The following NAV3 variants were observed in gnomAD, a reference collection of about 807,000 sequenced individuals.
NAV3 encodes the protein neuron navigator 3.
A neutral mutation model predicts 244.7 loss-of-function variants in NAV3; 87 were observed. That is an observed-to-expected ratio of 0.36 (90% confidence interval 0.30 to 0.42). NAV3 has a LOEUF of 0.42. NAV3 is among the 20% of genes least tolerant of loss of function. NAV3 has a pLI of 1.00. For synonymous variants in NAV3, 1,126 were observed against 1,042.2 expected (o/e 1.08, Z -1.55); for missense variants, 2,663 against 2,893.3 (o/e 0.92, Z 1.83).
intron 2 of NAV3, among the ~76,000 whole-genome samples, chr12:77,797,150 A>G (rs1871447859): frequency 6.6e-6 from 1 of 152,216 alleles, no homozygotes. Context: ...TGGTAGATAA[A>G]CAGTAAATCT....
intron 1 of NAV3, among the ~76,000 whole-genome samples, chr12:77,937,894 C>T (rs970050891): frequency 1.2e-4 from 19 of 152,146 alleles, no homozygotes; most frequent in African/African-American, 4.3e-4. Context: ...GTGACAGATG[C>T]TTTACAAGTG....
intron 2 of NAV3, among the ~76,000 whole-genome samples, chr12:77,670,824 C>A (rs920901963): frequency 6.6e-6 from 1 of 152,036 alleles, no homozygotes; most frequent in African/African-American, 2.4e-5. Flanking sequence ...AACCCACAGA[C>A]AACATTATAC....
At position 77,870,370 on chromosome 12, in the gene NAV3, A is replaced by G. The variant is rs1275712052; in HGVS notation, c.243+38666A>G. On this transcript the variant is annotated intron_variant, in intron 1 of 39. Coordinates refer to ENST00000397909, the MANE Select transcript of NAV3 (RefSeq NM_001024383.2). ...CAGAGTGAGACTCCATCTCAAAAAA[A>G]AAAAAAAAAAGAAAAGTTTCTAATA... Among the ~76,000 whole-genome samples the G allele has an allele frequency of 3.6e-4, 55 of 151,892 alleles. 1 individual carries two copies. The highest frequency in any genetic ancestry group is 1.6e-4 in the Non-Finnish European group (11 of 67,956).
At chr12:78,182,228 C>T (rs1298250142) in intron 30 of NAV3, among the ~76,000 whole-genome samples, 8 of 152,010 alleles carry the variant, frequency 5.3e-5, no homozygotes. Flanking sequence ...AAAGTATTAT[C>T]CACACTCAAC....
chr12:77,797,032 T>C (rs1871441971), intron 2 of NAV3, among the ~76,000 whole-genome samples: 1 of 152,174 alleles, frequency 6.6e-6, no homozygotes, highest in South Asian at 2.1e-4. Context: ...GAGCAGTGTC[T>C]TGCTTTTGTC....
At chr12:78,192,369 GT>G (rs1271515985) in intron 34 of NAV3, among the ~76,000 whole-genome samples, 3 of 151,244 alleles carry the variant, frequency 2.0e-5, no homozygotes, top group Non-Finnish European at 4.4e-5. Context: ...GGAAGAAACT[GT>G]TTTTATTTTT....
chr12:77,773,601 T>C (rs2135886899), intron 2 of NAV3, among the ~76,000 whole-genome samples: 1 of 152,162 alleles, frequency 6.6e-6, no homozygotes, highest in East Asian at 1.9e-4. Flanking sequence ...GGAAGATACA[T>C]AGTATATTAG....
intron 1 of NAV3, among the ~76,000 whole-genome samples, chr12:77,841,236 C>T (rs1441887882): frequency 5.9e-5 from 9 of 152,084 alleles, no homozygotes; most frequent in Non-Finnish European, 1.2e-4. Context: ...AACATTTTCC[C>T]AGTATAACAA....
chr12:78,118,270 G>T lies in NAV3; in HGVS notation c.3013G>T (p.Ala1005Ser). Residue 1005 changes from alanine (A) to serine (S), a missense_variant, in exon 14 of 40, where the codon GCT becomes TCT. Physicochemically the swap from Ala to Ser is moderately conservative, Grantham distance 99. Transcript: ENST00000397909. Reference protein sequence around the residue: ...AQGGAPSRQKAGTSALKTPGK... With the variant: ...AQGGAPSRQKSGTSALKTPGK... ...AGGAGGGGCGCCATCTAGGCAGAAA[G>T]CTGGAACAAGTGCACTCAAAACACC... 6.2e-7 allele frequency: 1 copy of T among 1,610,138 alleles called. No homozygotes were observed.
chr12:78,180,642 G>A (rs954754164), intron 29 of NAV3, among the ~76,000 whole-genome samples: 36 of 151,970 alleles, frequency 2.4e-4, no homozygotes, highest in Admixed American at 2.4e-3. Flanking sequence ...CATGTCGAAT[G>A]GTTGGATTGT....
At chr12:77,832,882 G>A (rs980451080) in intron 1 of NAV3, among the ~76,000 whole-genome samples, 8 of 152,038 alleles carry the variant, frequency 5.3e-5, no homozygotes, top group Admixed American at 1.3e-4. Flanking sequence ...TCACAGCCTC[G>A]TCTCTGGCTT....
chr12:78,140,200 G>A lies in NAV3; in HGVS notation c.4631-82G>A, dbSNP rs566366860. On this transcript the variant is annotated intron_variant, in intron 19 of 39. Transcript: ENST00000397909. ...TATTACTTAATTTCCCTAACCACCC[G>A]TTCTTTACTTTTTCTGTAAAGGCTG... The A allele has an allele frequency of 8.8e-5, 100 of 1,134,904 alleles. 1 individual carries two copies. In the African/African-American group the frequency reaches 1.2e-3, roughly 13 times the overall value. The allele number at this position is 1,134,904 out of a possible 1,614,324, so 70.3% of individuals were successfully genotyped here. A position where few individuals can be genotyped will look rare whatever the true frequency, so the allele number is the denominator to read the frequency against.
At chr12:77,666,604 A>T (rs1046247744) in intron 2 of NAV3, among the ~76,000 whole-genome samples, 1 of 152,216 alleles carries the variant, frequency 6.6e-6, no homozygotes, top group South Asian at 2.1e-4. Flanking sequence ...AAGTCTAAAT[A>T]TTCTGCTCAA....
intron 12 of NAV3, among the ~76,000 whole-genome samples, chr12:78,092,935 T>A (rs1954041661): frequency 6.6e-6 from 1 of 152,222 alleles, no homozygotes; most frequent in Admixed American, 6.5e-5. Flanking sequence ...GTAACTTGGC[T>A]TTCATATGTT....
At chr12:77,972,722 A>G (rs1893099615) in intron 5 of NAV3, among the ~76,000 whole-genome samples, 1 of 152,200 alleles carries the variant, frequency 6.6e-6, no homozygotes, top group Non-Finnish European at 1.5e-5. Context: ...TCATTGGGAG[A>G]TGAAGGAAAT....
At chr12:77,931,754 C>T (rs1888820873) in intron 1 of NAV3, among the ~76,000 whole-genome samples, 1 of 151,982 alleles carries the variant, frequency 6.6e-6, no homozygotes, top group Non-Finnish European at 1.5e-5. Context: ...GTAGTCCCAG[C>T]TACTCGGGAG....
chr12:78,095,693 G>A (rs988182291), intron 12 of NAV3, among the ~76,000 whole-genome samples: 1 of 152,180 alleles, frequency 6.6e-6, no homozygotes, highest in Non-Finnish European at 1.5e-5. Flanking sequence ...GCAGATGGAG[G>A]AAATAAAGAT....
chr12:77,596,898 G>A (rs1436708222), intron 2 of NAV3, among the ~76,000 whole-genome samples: 1 of 152,040 alleles, frequency 6.6e-6, no homozygotes, highest in African/African-American at 2.4e-5. Flanking sequence ...AAGTAAATTG[G>A]TATGGTGGAG....
chr12:77,992,349 A>G (rs1483150132), intron 5 of NAV3, among the ~76,000 whole-genome samples: 2 of 152,190 alleles, frequency 1.3e-5, no homozygotes, highest in Non-Finnish European at 2.9e-5. Flanking sequence ...GTACAAATGG[A>G]ATTATAGATA....
Sources: allele counts gnomAD v4.1 joint callset (sites outside exome capture counted in the v4.1 genomes callset), GRCh38; gene constraint gnomAD v4.1.1; transcripts MANE v1.5; gene names NCBI Gene and HGNC (gene_info 2026-07-23, HGNC 2026-07-21).